The following TENM4 variants were observed in gnomAD, a reference collection of about 807,000 sequenced individuals.
TENM4 encodes the protein teneurin-4.
Under a neutral mutation model 243.3 loss-of-function variants are expected in TENM4, and 82 were observed. The observed-to-expected ratio is 0.34, with a 90% CI of 0.28 to 0.40. The LOEUF is 0.40. Ranked by LOEUF, TENM4 falls within the 10% of genes least tolerant of loss-of-function variation. TENM4 has a pLI of 1.00. For missense variants in TENM4, 3,138 were observed against 3,673.3 expected, an observed-to-expected ratio of 0.85 and a Z score of 3.77; for synonymous variants, 1,412 against 1,456.3, an observed-to-expected ratio of 0.97 and a Z score of 0.69.
At position 78,966,720 on chromosome 11, in the gene TENM4, T is replaced by C. The variant is rs74332993; in HGVS notation, c.494-63197A>G. On this transcript the variant is annotated intron_variant, in intron 6 of 33. Transcript: ENST00000278550. ...AGTATCTGCGGCAGAGGGAGGATAC[T>C]CTGGCCTAAAGCCTTCATCCTTCAC... 1.7e-3 allele frequency among the ~76,000 whole-genome samples: 259 copies of C among 152,258 alleles called. 3 individuals are homozygous for C. The highest frequency in any genetic ancestry group is 5.9e-3 in the African/African-American group (244 of 41,534).
At chr11:79,311,648 C>T (rs1402390774) in intron 1 of TENM4, among the ~76,000 whole-genome samples, 1 of 152,184 alleles carries the variant, frequency 6.6e-6, no homozygotes, top group Admixed American at 6.5e-5. Flanking sequence ...AAGCCCAGCC[C>T]TTGAGCTTAA....
At chr11:79,130,838 A>G (rs1336456287) in intron 4 of TENM4, among the ~76,000 whole-genome samples, 1 of 152,146 alleles carries the variant, frequency 6.6e-6, no homozygotes, top group Non-Finnish European at 1.5e-5. Flanking sequence ...AGAAAAAACA[A>G]TCAAATTTCA....
intron 3 of TENM4, among the ~76,000 whole-genome samples, chr11:79,152,389 A>G (rs963598434): frequency 2.0e-5 from 3 of 152,194 alleles, no homozygotes; most frequent in African/African-American, 7.2e-5. Flanking sequence ...TCCAGGTCAT[A>G]GGCCAAGAAA....
At chr11:79,166,171 C>T (rs1416434761) in intron 3 of TENM4, among the ~76,000 whole-genome samples, 2 of 152,166 alleles carry the variant, frequency 1.3e-5, no homozygotes, top group Non-Finnish European at 2.9e-5. Context: ...ACTTGACACT[C>T]CATGGGGGTC....
chr11:78,925,171 CAG>C (rs1246676226), intron 6 of TENM4, among the ~76,000 whole-genome samples: 1 of 152,132 alleles, frequency 6.6e-6, no homozygotes, highest in Non-Finnish European at 1.5e-5. Flanking sequence ...CAAAACAAAA[CAG>C]AGCAAAGAGC....
At chr11:79,294,598 C>T (rs918653391) in intron 2 of TENM4, among the ~76,000 whole-genome samples, 2 of 151,302 alleles carry the variant, frequency 1.3e-5, no homozygotes, top group Admixed American at 6.6e-5. Context: ...CCTGTAATCC[C>T]AGCACTTTGG....
intron 4 of TENM4, among the ~76,000 whole-genome samples, chr11:79,089,940 C>T (rs1019433681): frequency 6.6e-6 from 1 of 152,188 alleles, no homozygotes. Flanking sequence ...CAAAGCCCCA[C>T]ACAGAGAGCC....
chr11:78,908,833 G>C (rs1856120393), intron 6 of TENM4, among the ~76,000 whole-genome samples: 1 of 152,230 alleles, frequency 6.6e-6, no homozygotes, highest in African/African-American at 2.4e-5. Context: ...ATAAGGAGAA[G>C]GCCCTAGTGT....
chr11:78,758,102 A>C (rs988692824), intron 18 of TENM4, among the ~76,000 whole-genome samples: 1 of 152,208 alleles, frequency 6.6e-6, no homozygotes, highest in African/African-American at 2.4e-5. Context: ...GGACAGGAAA[A>C]GCCCAGGGGT....
intron 18 of TENM4, among the ~76,000 whole-genome samples, chr11:78,761,262 C>T (rs1297351777): frequency 8.7e-5 from 13 of 149,776 alleles, no homozygotes; most frequent in Admixed American, 3.3e-4. Context: ...TTTTTTGAGA[C>T]GTTGTCTCGC....
chr11:79,154,032 C>T lies in TENM4; in HGVS notation c.-162-5226G>A, dbSNP rs554214984. ...AAAAGTTTTAAAAACAGTGCAAAAA[C>T]CTGAAGGCTTATGTCACCCCTTGTT... is the stretch of plus-strand genomic sequence containing the variant. On this transcript the variant is annotated intron_variant, in intron 3 of 33. Coordinates refer to ENST00000278550, the MANE Select transcript of TENM4 (RefSeq NM_001098816.3). Among the ~76,000 whole-genome samples, 4 of 152,228 alleles carry T rather than the reference C, an allele frequency of 2.6e-5. No individual in the cohort carries two copies. In the South Asian group the frequency reaches 6.2e-4, roughly 24 times the overall value.
At chr11:78,897,305 C>T (rs917568494) in intron 7 of TENM4, among the ~76,000 whole-genome samples, 31 of 152,120 alleles carry the variant, frequency 2.0e-4, no homozygotes, top group African/African-American at 7.5e-4. Flanking sequence ...GCTTCTTTTC[C>T]CTTTGCTGAT....
chr11:79,388,769 C>A (rs1858169351), intron 1 of TENM4, among the ~76,000 whole-genome samples: 1 of 152,186 alleles, frequency 6.6e-6, no homozygotes, highest in Non-Finnish European at 1.5e-5. Context: ...ATGAGCAATT[C>A]CATGCACAGT....
At chr11:78,880,902 G>T (rs567072207) in intron 9 of TENM4, among the ~76,000 whole-genome samples, 8 of 152,286 alleles carry the variant, frequency 5.3e-5, no homozygotes, top group African/African-American at 1.9e-4. Context: ...CAGAGGCTGA[G>T]AATGAGAGGG....
At chr11:79,116,781 A>G (rs901832721) in intron 4 of TENM4, among the ~76,000 whole-genome samples, 2 of 152,196 alleles carry the variant, frequency 1.3e-5, no homozygotes, top group African/African-American at 4.8e-5. Flanking sequence ...CTGGATCAAC[A>G]TCAGCCATGT....
chr11:79,213,096 A>G (rs1387264112), intron 3 of TENM4, among the ~76,000 whole-genome samples: 1 of 152,078 alleles, frequency 6.6e-6, no homozygotes, highest in African/African-American at 2.4e-5. Flanking sequence ...TGGTGAAGGG[A>G]CCTCACCCTC....
intron 15 of TENM4, among the ~76,000 whole-genome samples, chr11:78,788,409 G>A (rs542345797): frequency 5.3e-5 from 8 of 152,360 alleles, no homozygotes; most frequent in African/African-American, 1.9e-4. Flanking sequence ...AAAGTGGGAA[G>A]GGACATCTCT....
At chr11:79,029,865 A>T (rs1442812943) in intron 6 of TENM4, among the ~76,000 whole-genome samples, 2 of 152,142 alleles carry the variant, frequency 1.3e-5, no homozygotes, top group East Asian at 3.9e-4. Flanking sequence ...ATTTTGAGAA[A>T]TCCCCGGGTC....
intron 1 of TENM4, among the ~76,000 whole-genome samples, chr11:79,311,170 C>A (rs1856715577): frequency 6.6e-6 from 1 of 152,192 alleles, no homozygotes; most frequent in Admixed American, 6.5e-5. Context: ...TAGCTTCTGA[C>A]CGGACAAAAT....
Sources: allele counts gnomAD v4.1 joint callset (sites outside exome capture counted in the v4.1 genomes callset), GRCh38; gene constraint gnomAD v4.1.1; transcripts MANE v1.5; gene names NCBI Gene and HGNC (gene_info 2026-07-23, HGNC 2026-07-21).